CNTN6: variants seen among roughly 807,000 people sequenced by gnomAD.
The protein encoded by CNTN6 is contactin-6.
In CNTN6, 137 loss-of-function variants were observed where a neutral mutation model predicts 122.8. The ratio of observed to expected loss-of-function variants is 1.12; its 90% CI spans 0.97 to 1.29. The LOEUF (loss-of-function observed/expected upper bound fraction) is 1.29. CNTN6 is among the 50% of genes most tolerant of loss of function. The pLI is 0.00. For synonymous variants in CNTN6, 570 were observed against 426.0 expected (o/e 1.34, Z -4.16); for missense variants, 1,634 against 1,223.4 (o/e 1.34, Z -5.01).
Position 1,383,405 on chromosome 3 carries a change from T to C in CNTN6, c.2514T>C (p.Tyr838=). Residue 838 remains tyrosine, a synonymous_variant, in exon 19 of 23, where the codon TAT becomes TAC. Transcript: ENST00000446702. ...GAAACACTGGAAGAGTGCTGGGCTA[T>C]GAGGTAATCCACATTAATTTCACTT... ...WNRNTGRVLG[Y]EVLYWTDDSK... is the part of the protein sequence containing the mutation. The C allele has an allele frequency of 6.2e-7, 1 of 1,611,740 alleles. No individual in the cohort carries two copies. Among genetic ancestry groups the C allele is most frequent in the African/African-American group, 1.3e-5 (1 of 74,970 alleles).
chr3:1,113,186 T>C (rs540901399), intron 1 of CNTN6, among the ~76,000 whole-genome samples: 1 of 152,298 alleles, frequency 6.6e-6, no homozygotes, highest in African/African-American at 2.4e-5. Context: ...ATATATTGCC[T>C]GTAACTTCTA....
At chr3:1,314,626 A>G (rs1237537685) in intron 7 of CNTN6, among the ~76,000 whole-genome samples, 1 of 152,108 alleles carries the variant, frequency 6.6e-6, no homozygotes, top group African/African-American at 2.4e-5. Flanking sequence ...ACTAGGTCAG[A>G]TGGTTAAGAA....
chr3:1,292,454 A>G (rs1449145733), intron 5 of CNTN6, among the ~76,000 whole-genome samples: 1 of 152,130 alleles, frequency 6.6e-6, no homozygotes, highest in African/African-American at 2.4e-5. Flanking sequence ...AGTCAATTGC[A>G]TGCGTCATTT....
At chr3:1,168,407 G>T (rs9873001) in intron 2 of CNTN6, among the ~76,000 whole-genome samples, 6,341 of 148,728 alleles carry the variant, frequency 0.043, 430 homozygotes, top group African/African-American at 0.15. Flanking sequence ...TATACAGGAG[G>T]TAGTGTAGAA....
intron 20 of CNTN6, among the ~76,000 whole-genome samples, chr3:1,386,793 A>T (rs1693038679): frequency 6.6e-6 from 1 of 151,448 alleles, no homozygotes; most frequent in Admixed American, 6.6e-5. Flanking sequence ...ACTTACAAAA[A>T]TCTAGTTTAC....
intron 3 of CNTN6, among the ~76,000 whole-genome samples, chr3:1,223,227 A>G (rs2094232496): frequency 6.6e-6 from 1 of 152,196 alleles, no homozygotes; most frequent in South Asian, 2.1e-4. Context: ...AGAATCCTTG[A>G]CTTAAAGTTA....
chr3:1,204,573 GCTGT>G (rs1172652415), intron 2 of CNTN6, among the ~76,000 whole-genome samples: 1 of 151,242 alleles, frequency 6.6e-6, no homozygotes. Context: ...CCTTCTCTTT[GCTGT>G]CTGACTTCTT....
chr3:1,330,033 G>A (rs1458151571), intron 11 of CNTN6, 98 bp downstream of exon 11: 5 of 914,640 alleles, frequency 5.5e-6, no homozygotes, highest in Non-Finnish European at 7.7e-6. Flanking sequence ...CCTCTTTTAT[G>A]ATAAAGTCTC....
intron 1 of CNTN6, among the ~76,000 whole-genome samples, chr3:1,117,804 G>C (rs75356134): frequency 0.024 from 3,717 of 152,194 alleles, 159 homozygotes; most frequent in African/African-American, 0.084. Flanking sequence ...AAAAGAGTAG[G>C]TTGATAAATA....
chr3:1,177,000 T>A (rs1403405540), intron 2 of CNTN6, among the ~76,000 whole-genome samples: 1 of 99,756 alleles, frequency 1.0e-5, no homozygotes, highest in East Asian at 3.7e-4. Context: ...AATACACCTC[T>A]GGATGACAAA....
At position 1,295,868 on chromosome 3, in the gene CNTN6, G is replaced by A. The variant is rs112264816; in HGVS notation, c.658+64G>A. 187 of 1,445,402 alleles carry A rather than the reference G, an allele frequency of 1.3e-4. 1 individual carries two copies. Among genetic ancestry groups the A allele is most frequent in the East Asian group, 2.5e-4 (11 of 43,418 alleles). The allele number at this position is 1,445,402 out of a possible 1,614,324, so 89.5% of individuals were successfully genotyped here. A position where few individuals can be genotyped will look rare whatever the true frequency, so the allele number is the denominator to read the frequency against. ...TGGCCCTTAAAGCCTGGGAAGATTCGTAAAGCTTTCTGCTTCCTTCTTGTT... is the reference window on the plus strand; with the variant it reads ...TGGCCCTTAAAGCCTGGGAAGATTCATAAAGCTTTCTGCTTCCTTCTTGTT... On this transcript the variant is annotated intron_variant, in intron 6 of 22. Coordinates refer to ENST00000446702, the MANE Select transcript of CNTN6 (RefSeq NM_001289080.2).
rs1443795744 is a variant in CNTN6 at position 1,295,873 on chromosome 3, G to T, written c.658+69G>T. 3 of 1,392,872 alleles carry T rather than the reference G, an allele frequency of 2.2e-6. No individual in the cohort carries two copies. In the African/African-American group the frequency reaches 4.3e-5, roughly 20 times the overall value. The allele number at this position is 1,392,872 out of a possible 1,614,324, so 86.3% of individuals were successfully genotyped here. A position where few individuals can be genotyped will look rare whatever the true frequency, so the allele number is the denominator to read the frequency against. ...CTTAAAGCCTGGGAAGATTCGTAAAGCTTTCTGCTTCCTTCTTGTTTGGTG... is the reference window on the plus strand; with the variant it reads ...CTTAAAGCCTGGGAAGATTCGTAAATCTTTCTGCTTCCTTCTTGTTTGGTG... On this transcript the variant is annotated intron_variant, in intron 6 of 22. Transcript: ENST00000446702.
At chr3:1,232,456 A>G (rs957383560) in intron 4 of CNTN6, among the ~76,000 whole-genome samples, 1 of 152,262 alleles carries the variant, frequency 6.6e-6, no homozygotes, top group African/African-American at 2.4e-5. Context: ...AATAAAATTA[A>G]AAATAAGAAA....
At chr3:1,391,897 G>T (rs1447111219) in intron 20 of CNTN6, among the ~76,000 whole-genome samples, 1 of 151,972 alleles carries the variant, frequency 6.6e-6, no homozygotes, top group Non-Finnish European at 1.5e-5. Context: ...TGCTCAATGA[G>T]ATAAAAGAGG....
intron 7 of CNTN6, among the ~76,000 whole-genome samples, chr3:1,304,800 T>A (rs1247249497): frequency 6.6e-6 from 1 of 151,946 alleles, no homozygotes; most frequent in Non-Finnish European, 1.5e-5. Flanking sequence ...AAGACCAGCC[T>A]GGCCAAGAAG....
intron 1 of CNTN6, among the ~76,000 whole-genome samples, chr3:1,130,998 A>G (rs78134382): frequency 0.013 from 2,044 of 152,220 alleles, 45 homozygotes; most frequent in African/African-American, 0.047. Flanking sequence ...AAGAATGGCA[A>G]AGGAACTGAG....
rs532282828 is a variant in CNTN6 at position 1,348,157 on chromosome 3, C to CAAAAAAAAAAAAAAAAAAAAAA, written c.1365-4148_1365-4147insAAAAAAAAAAAAAAAAAAAAAA. Among the ~76,000 whole-genome samples, 30 of 64,266 alleles carry CAAAAAAAAAAAAAAAAAAAAAA rather than the reference C, an allele frequency of 4.7e-4. 2 individuals carry two copies. The highest frequency in any genetic ancestry group is 6.0e-4 in the South Asian group (1 of 1,656). The allele number at this position is 64,266 out of a possible 152,430, so 42.2% of individuals were successfully genotyped here. ...AATATTAGTATTTCTATGCTATAGA[C>CAAAAAAAAAAAAAAAAAAAAAA]AAAAAAAAAAAAAAAAAAAGGACTT... is the stretch of plus-strand genomic sequence containing the variant. On this transcript the variant is annotated intron_variant, in intron 11 of 22. Transcript: ENST00000446702.
intron 11 of CNTN6, among the ~76,000 whole-genome samples, chr3:1,345,250 G>T (rs1005464965): frequency 2.0e-5 from 3 of 151,836 alleles, no homozygotes; most frequent in African/African-American, 7.3e-5. Context: ...CTGAGTAGCT[G>T]AAATTACAGG....
At chr3:1,204,906 TCTAATCC>T (rs2093937724) in intron 2 of CNTN6, among the ~76,000 whole-genome samples, 1 of 152,146 alleles carries the variant, frequency 6.6e-6, no homozygotes, top group Non-Finnish European at 1.5e-5. Flanking sequence ...ATGTCAATAT[TCTAATCC>T]CTGGAACATG....
Sources: gnomAD v4.1 joint callset for allele counts (sites outside exome capture counted in the v4.1 genomes callset) on GRCh38, gnomAD v4.1.1 for gene constraint, MANE v1.5 for transcripts, NCBI Gene and HGNC (gene_info 2026-07-23, HGNC 2026-07-21) for gene names.